The following GPD2 variants were observed in gnomAD, a reference collection of about 807,000 sequenced individuals.
GPD2 encodes the protein glycerol-3-phosphate dehydrogenase 2.
GPD2 carries 54 observed loss-of-function variants against 82.4 expected under a neutral mutation model. The ratio of observed to expected loss-of-function variants is 0.66; its 90% CI spans 0.53 to 0.82. GPD2 has a LOEUF of 0.82. Among genes scored for constraint, GPD2 ranks in the 40% least tolerant of loss-of-function variants. GPD2 has a pLI of 0.00. For synonymous variants in GPD2, 288 were observed against 306.1 expected (o/e 0.94, Z 0.62); for missense variants, 748 against 896.2 (o/e 0.83, Z 2.11).
chr2:156,538,275 A>G (rs1686156089), intron 6 of GPD2, among the ~76,000 whole-genome samples: 2 of 152,180 alleles, frequency 1.3e-5, no homozygotes, highest in South Asian at 4.1e-4. Context: ...CACTAGCCCA[A>G]CTCACAGCCT....
At chr2:156,415,843 G>A in the GPD2 span, among the ~76,000 whole-genome samples, 1 of 151,542 alleles carries the variant, frequency 6.6e-6, no homozygotes, top group Non-Finnish European at 1.5e-5. Flanking sequence ...CAACAATAGC[G>A]AAAGTCCGTC....
At chr2:156,458,612 G>C (rs1370656157) in intron 1 of GPD2, among the ~76,000 whole-genome samples, 1 of 152,154 alleles carries the variant, frequency 6.6e-6, no homozygotes, top group Non-Finnish European at 1.5e-5. Flanking sequence ...TAAAGGCAAA[G>C]TATTCTTTTT....
chr2:156,413,068 G>T, the GPD2 span, among the ~76,000 whole-genome samples: 1 of 152,074 alleles, frequency 6.6e-6, no homozygotes, highest in Non-Finnish European at 1.5e-5. Context: ...CTACACTCCA[G>T]CCTGGGTGAC....
chr2:156,401,268 G>T, the GPD2 span, among the ~76,000 whole-genome samples: 1 of 152,052 alleles, frequency 6.6e-6, no homozygotes. Context: ...TTACACCCTG[G>T]TAATTCTCTA....
At chr2:156,487,298 T>G (rs1187900053) in intron 2 of GPD2, among the ~76,000 whole-genome samples, 2 of 151,920 alleles carry the variant, frequency 1.3e-5, no homozygotes, top group African/African-American at 4.8e-5. Flanking sequence ...GGCAACATGG[T>G]GAGACTCTGT....
intron 1 of GPD2, among the ~76,000 whole-genome samples, chr2:156,475,486 G>A (rs905721739): frequency 2.0e-5 from 3 of 152,000 alleles, no homozygotes; most frequent in Admixed American, 6.6e-5. Flanking sequence ...CCACCACCAC[G>A]GCCTCCCAAA....
chr2:156,503,589 GAA>G (rs1009509979), intron 3 of GPD2, among the ~76,000 whole-genome samples: 9 of 152,254 alleles, frequency 5.9e-5, no homozygotes, highest in African/African-American at 1.9e-4. Context: ...TTCAGTTATT[GAA>G]AAGAGATAGA....
At chr2:156,558,216 A>G (rs532468509) in intron 9 of GPD2, among the ~76,000 whole-genome samples, 3 of 152,214 alleles carry the variant, frequency 2.0e-5, no homozygotes, top group South Asian at 2.1e-4. Flanking sequence ...TTGTGCTTCT[A>G]TATTTCCTCT....
At chr2:156,506,923 A>G (rs1684804316) in intron 3 of GPD2, among the ~76,000 whole-genome samples, 1 of 152,244 alleles carries the variant, frequency 6.6e-6, no homozygotes, top group Non-Finnish European at 1.5e-5. Context: ...ATAATAAATT[A>G]ACAAGCACAC....
upstream of GPD2, among the ~76,000 whole-genome samples, chr2:156,434,977 G>C (rs1208589348): frequency 6.6e-6 from 1 of 152,134 alleles, no homozygotes; most frequent in African/African-American, 2.4e-5. Flanking sequence ...TGGACTTGGG[G>C]ATGGAAATCT....
rs973561512 is a variant in GPD2, at chr2:156,557,250, G to C, written c.972-139G>C. Reference sequence around the variant, plus strand: ...TTTCTTTTAGGAGTTTCTAGATTAGGGTAGGGGAAGTGCAAGTAATAGTTC... The same window carrying C: ...TTTCTTTTAGGAGTTTCTAGATTAGCGTAGGGGAAGTGCAAGTAATAGTTC... On this transcript the variant is annotated intron_variant, in intron 8 of 16. Coordinates refer to ENST00000438166, the MANE Select transcript of GPD2 (RefSeq NM_000408.5). 3 of 685,356 alleles carry C rather than the reference G, an allele frequency of 4.4e-6. No homozygotes were observed. The East Asian group carries it at 8.1e-5, about 18-fold the overall frequency. The allele number at this position is 685,356 out of a possible 1,614,324, so 42.5% of individuals were successfully genotyped here.
At chr2:156,476,587 A>G (rs1683521721) in intron 2 of GPD2, among the ~76,000 whole-genome samples, 2 of 152,224 alleles carry the variant, frequency 1.3e-5, no homozygotes, top group African/African-American at 4.8e-5. Flanking sequence ...CAGCTGAGAA[A>G]GGAAATGGAA....
the GPD2 span, among the ~76,000 whole-genome samples, chr2:156,417,624 T>G: frequency 6.6e-6 from 1 of 152,134 alleles, no homozygotes; most frequent in South Asian, 2.1e-4. Context: ...TTATTTTACA[T>G]ATATTCAAAT....
intron 2 of GPD2, among the ~76,000 whole-genome samples, chr2:156,485,658 C>G (rs1683911804): frequency 6.6e-6 from 1 of 152,202 alleles, no homozygotes; most frequent in African/African-American, 2.4e-5. Flanking sequence ...GCTCACATTA[C>G]AGTTCAGTGT....
chr2:156,467,710 A>G (rs1683195989), intron 1 of GPD2, among the ~76,000 whole-genome samples: 1 of 152,212 alleles, frequency 6.6e-6, no homozygotes, highest in Admixed American at 6.5e-5. Context: ...CTTGGCCTAA[A>G]TCCTTTTTAA....
In GPD2 at chr2:156,478,097, T is replaced by A. The variant is rs191671544; in HGVS notation, c.102+1890T>A. Among the ~76,000 whole-genome samples the A allele has an allele frequency of 1.2e-3, 179 of 152,340 alleles. 2 individuals carry two copies. The highest frequency in any genetic ancestry group is 5.0e-3 in the Admixed American group (76 of 15,304). ...CCTAGGTAACACTGTTTTATCCCTT[T>A]TTTTGGTTTGATTTCTCTCTAATAA... On this transcript the variant is annotated intron_variant, in intron 2 of 16. Coordinates refer to ENST00000438166, the MANE Select transcript of GPD2 (RefSeq NM_000408.5).
intron 6 of GPD2, among the ~76,000 whole-genome samples, chr2:156,546,277 A>G (rs1225883969): frequency 6.6e-6 from 1 of 152,236 alleles, no homozygotes; most frequent in African/African-American, 2.4e-5. Flanking sequence ...TTGAAAATCT[A>G]AACTTAATAA....
chr2:156,435,633 G>A (rs1223278095), upstream of GPD2: 3 of 152,272 alleles, frequency 2.0e-5, no homozygotes, highest in East Asian at 5.8e-4. Flanking sequence ...CAGGAGGCCT[G>A]GCGCGCCTCC....
chr2:156,489,292 G>A (rs1411213157), intron 2 of GPD2, among the ~76,000 whole-genome samples: 1 of 152,188 alleles, frequency 6.6e-6, no homozygotes, highest in Non-Finnish European at 1.5e-5. Flanking sequence ...TAAAAATATT[G>A]GATGTATGAT....
Sources: allele counts gnomAD v4.1 joint callset (sites outside exome capture counted in the v4.1 genomes callset), GRCh38; gene constraint gnomAD v4.1.1; transcripts MANE v1.5; gene names NCBI Gene and HGNC (gene_info 2026-07-23, HGNC 2026-07-21).